CCDC27: variants seen among roughly 807,000 people sequenced by gnomAD.
The protein encoded by CCDC27 is coiled-coil domain containing 27.
A neutral mutation model predicts 80.3 loss-of-function variants in CCDC27; 80 were observed. The ratio of observed to expected loss-of-function variants is 1.00; its 90% CI spans 0.83 to 1.20. The LOEUF is 1.20. CCDC27 is among the 50% of genes most tolerant of loss of function. CCDC27 has a pLI of 0.00. For synonymous variants in CCDC27, 342 were observed against 334.3 expected (o/e 1.02, Z -0.25); for missense variants, 815 against 809.4 (o/e 1.01, Z -0.08).
Position 3,763,648 on chromosome 1 carries a change from C to T in CCDC27, c.1322-58C>T. On this transcript the variant is annotated intron_variant, in intron 7 of 11. Coordinates refer to ENST00000294600, the MANE Select transcript of CCDC27 (RefSeq NM_152492.3). The surrounding 1 kb of genome is among the most constrained non-coding windows in gnomAD (Gnocchi z 7.5). ...GCTGCCGCAGTGGCCCGGCCCTCTCCTTCTGTCCCTCACTGCCCCTGCTTG... is the reference window on the plus strand; with the variant it reads ...GCTGCCGCAGTGGCCCGGCCCTCTCTTTCTGTCCCTCACTGCCCCTGCTTG... 10 of 1,607,748 alleles carry T rather than the reference C, an allele frequency of 6.2e-6. No individual in the cohort carries two copies. The South Asian group carries it at 1.1e-4, about 18-fold the overall frequency.
Position 3,752,691 on chromosome 1 carries a change from C to A in CCDC27, c.210C>A (p.Leu70=). 6.2e-7 allele frequency: 1 copy of A among 1,614,038 alleles called. No individual in the cohort carries two copies. The highest frequency in any genetic ancestry group is 8.5e-7 in the Non-Finnish European group (1 of 1,180,052). Residue 70 remains leucine, a synonymous_variant, in exon 1 of 12, where the codon CTC becomes CTA. Coordinates refer to ENST00000294600, the MANE Select transcript of CCDC27 (RefSeq NM_152492.3). ...SSSMARALVL[L]QSMASRDARC... ...CGATGGCCAGGGCCCTGGTGCTCCTCCAGAGCATGGCCAGCCGGGACGCCC... is the reference window on the plus strand; with the variant it reads ...CGATGGCCAGGGCCCTGGTGCTCCTACAGAGCATGGCCAGCCGGGACGCCC...
At position 3,761,181 on chromosome 1, in the gene CCDC27, A is replaced by T; in HGVS notation, c.712-100A>T. 6.9e-7 allele frequency: 1 copy of T among 1,441,748 alleles called. No homozygotes were observed. The highest frequency in any genetic ancestry group is 2.1e-4 in the Middle Eastern group (1 of 4,688). 89.3% of individuals were successfully genotyped at this position (1,441,748 alleles called of 1,614,324 possible). A position where few individuals can be genotyped will look rare whatever the true frequency, so the allele number is the denominator to read the frequency against. ...TGGGACCCTGGGGTTTTGGGGTACCACGACAGCAGATCTGCTCCTCCTGGG... is the reference window on the plus strand; with the variant it reads ...TGGGACCCTGGGGTTTTGGGGTACCTCGACAGCAGATCTGCTCCTCCTGGG... On this transcript the variant is annotated intron_variant, in intron 4 of 11. Transcript: ENST00000294600. This position sits in a 1 kb window ranked among gnomAD's most constrained non-coding sequence, Gnocchi z 5.0.
chr1:3,759,424 A>AT lies in CCDC27; in HGVS notation c.712-1855dup, dbSNP rs1643035856. ...GCAGGGTGGGGACGGCCTCTGTCTC[A>AT]TTCCCGACGTGGCTGCCTTGTGCCT... is the stretch of plus-strand genomic sequence containing the variant. On this transcript the variant is annotated intron_variant, in intron 4 of 11. Transcript: ENST00000294600. Among the ~76,000 whole-genome samples the AT allele has an allele frequency of 2.0e-5, 3 of 152,222 alleles. No homozygotes were observed. In the South Asian group the frequency reaches 6.2e-4, roughly 32 times the overall value.
chr1:3,771,310 C>T, intron 11 of CCDC27, 91 bp from the exon 12 acceptor site: 1 of 1,543,212 alleles, frequency 6.5e-7, no homozygotes, highest in Non-Finnish European at 8.9e-7. Context: ...AGGGTGGCGT[C>T]CCGGGCAGCT....
chr1:3,755,721 G>A (rs1642937043), intron 3 of CCDC27, 154 bp downstream of exon 3: 3 of 650,882 alleles, frequency 4.6e-6, no homozygotes, highest in Non-Finnish European at 8.2e-6. Flanking sequence ...GGCCTCCCTT[G>A]TGCAGAACTA....
At position 3,756,802 on chromosome 1, in the gene CCDC27, CTTT is replaced by C; in HGVS notation, c.624_626del (p.Leu209del). On this transcript the variant is annotated inframe_deletion, in exon 4 of 12. Transcript: ENST00000294600. ...TTGCGGAAGAGGAGAAAATCCCAGA[CTTT>C]GAGTCCGGTCACCAGCAGCTCAGTC... The C allele has an allele frequency of 6.2e-7, 1 of 1,614,104 alleles. No homozygotes were observed. The highest frequency in any genetic ancestry group is 1.7e-5 in the Admixed American group (1 of 60,022).
chr1:3,753,320 C>CTTTTT (rs71580220), intron 1 of CCDC27, among the ~76,000 whole-genome samples: 21 of 94,872 alleles, frequency 2.2e-4, no homozygotes, highest in South Asian at 6.4e-4. Context: ...TTTTCTTTTT[C>CTTTTT]TTTTTTTTTT....
chr1:3,764,490 C>G (rs995408785), intron 8 of CCDC27, among the ~76,000 whole-genome samples: 6 of 152,066 alleles, frequency 3.9e-5, no homozygotes, highest in Admixed American at 3.3e-4. Context: ...CCCTTGCCAC[C>G]GCCCCCCAAC....
chr1:3,756,560 C>T, intron 3 of CCDC27, 173 bp from the exon 4 acceptor site: 1 of 653,426 alleles, frequency 1.5e-6, no homozygotes, highest in Non-Finnish European at 2.6e-6. Flanking sequence ...AGCAGCACCA[C>T]ACTGTGTCCT....
At position 3,763,630 on chromosome 1, in the gene CCDC27, C is replaced by T. The variant is rs1244724606; in HGVS notation, c.1322-76C>T. ...GCTGGCAGAGCCCTCCCAGCTGCCG[C>T]AGTGGCCCGGCCCTCTCCTTCTGTC... On this transcript the variant is annotated intron_variant, in intron 7 of 11. Transcript: ENST00000294600. This position sits in a 1 kb window ranked among gnomAD's most constrained non-coding sequence, Gnocchi z 7.5. The T allele has an allele frequency of 1.3e-6, 2 of 1,591,000 alleles. No individual in the cohort carries two copies. Among genetic ancestry groups the T allele is most frequent in the Non-Finnish European group, 1.7e-6 (2 of 1,162,996 alleles).
Position 3,761,137 on chromosome 1 carries a change from G to A in CCDC27, c.712-144G>A. ...TGTGTAGTGCTAGCTCTTTACCGCA[G>A]TACCTATCTTGAAATCCCTGGGACC... On this transcript the variant is annotated intron_variant, in intron 4 of 11. Transcript: ENST00000294600. The surrounding 1 kb of genome is among the most constrained non-coding windows in gnomAD (Gnocchi z 5.0). The A allele has an allele frequency of 1.1e-6, 1 of 877,512 alleles. No individual in the cohort carries two copies. Among genetic ancestry groups the A allele is most frequent in the East Asian group, 2.6e-5 (1 of 39,084 alleles). 54.4% of individuals were successfully genotyped at this position (877,512 alleles called of 1,614,324 possible).
At chr1:3,757,644 C>T (rs1466814143) in intron 4 of CCDC27, among the ~76,000 whole-genome samples, 5 of 151,888 alleles carry the variant, frequency 3.3e-5, no homozygotes, top group Non-Finnish European at 2.9e-5. Context: ...TTTCCCCGGC[C>T]AGGCGAGGTG....
Position 3,754,172 on chromosome 1 carries a change from C to T in CCDC27, c.373C>T (p.Arg125Ter), listed in dbSNP as rs760910706. 9.9e-6 allele frequency: 16 copies of T among 1,613,774 alleles called. No individual in the cohort carries two copies. Among genetic ancestry groups the T allele is most frequent in the South Asian group, 3.3e-5 (3 of 91,056 alleles). The change falls in exon 2 of 12, where the codon CGA (arginine) becomes TGA (stop). Residue 125 changes from arginine (R) to a stop codon, truncating the protein, a stop_gained. Coordinates refer to ENST00000294600, the MANE Select transcript of CCDC27 (RefSeq NM_152492.3). LOFTEE classifies it high-confidence loss of function. ...CGGCTTCATGTCCAAAATGGAACTT[C>T]GAAGGGTCTTCCCCACGCATCCTGA... ...LTGFMSKMELRRVFPTHPDCP... is the reference protein window; with the variant it reads ...LTGFMSKMEL
At chr1:3,758,413 C>T (rs1056883219) in intron 4 of CCDC27, among the ~76,000 whole-genome samples, 1 of 151,392 alleles carries the variant, frequency 6.6e-6, no homozygotes, top group Non-Finnish European at 1.5e-5. Context: ...GTCTTGATCT[C>T]TTGACTTCGT....
chr1:3,763,774 A>G lies in CCDC27; in HGVS notation c.1390A>G (p.Asn464Asp), dbSNP rs763217635. Residue 464 changes from asparagine (N) to aspartate (D), a missense_variant, in exon 8 of 12, where the codon AAT (asparagine) becomes GAT (aspartate). Asn to Asp is a conservative substitution (Grantham distance 23). Transcript: ENST00000294600. This position sits in a 1 kb window ranked among gnomAD's most constrained non-coding sequence, Gnocchi z 7.5. Reference protein sequence around the residue: ...ETQLRKINTENETLQKELRER... With the variant: ...ETQLRKINTEDETLQKELRER... ...CCAGCTGCGAAAGATCAATACGGAA[A>G]ATGAGACGCTGCAGAAGGAGCTCCG... 1.9e-6 allele frequency: 3 copies of G among 1,614,156 alleles called. No individual in the cohort carries two copies. Among genetic ancestry groups the G allele is most frequent in the East Asian group, 2.2e-5 (1 of 44,880 alleles).
chr1:3,771,619 G>GAATTA lies in CCDC27; in HGVS notation c.*99_*103dup. 1 of 1,387,404 alleles carries GAATTA rather than the reference G, an allele frequency of 7.2e-7. No homozygotes were observed. Among genetic ancestry groups the GAATTA allele is most frequent in the South Asian group, 1.3e-5 (1 of 78,674 alleles). 85.9% of individuals were successfully genotyped at this position (1,387,404 alleles called of 1,614,324 possible). ...ACCATGCGTCCTGCTCTCAGACTCAGAATTAAACCCCGGTGTTGGCACTGT... is the reference window on the plus strand; with the variant it reads ...ACCATGCGTCCTGCTCTCAGACTCAGAATTAAATTAAACCCCGGTGTTGGCACTGT... On this transcript the variant is annotated 3_prime_UTR_variant, in exon 12 of 12. Transcript: ENST00000294600.
At position 3,769,876 on chromosome 1, in the gene CCDC27, G is replaced by A. The variant is rs1278202786; in HGVS notation, c.1837G>A (p.Glu613Lys). The change falls in exon 11 of 12, where the codon GAA becomes AAA. Residue 613 changes from glutamate (E) to lysine (K), a missense_variant. Glu to Lys is a moderately conservative substitution (Grantham distance 56). Coordinates refer to ENST00000294600, the MANE Select transcript of CCDC27 (RefSeq NM_152492.3). The surrounding 1 kb of genome is among the most constrained non-coding windows in gnomAD (Gnocchi z 4.6). ...CGAGATCTCTGACAATGACATCCTG[G>A]AAGCCCTGCAGGTATACCCCTAAGC... ...ANEISDNDIL[E>K]ALQRIISERS... The A allele has an allele frequency of 6.2e-7, 1 of 1,613,520 alleles. No homozygotes were observed. The highest frequency in any genetic ancestry group is 2.2e-5 in the East Asian group (1 of 44,874).
At chr1:3,765,872 T>C (rs1242053125) in intron 8 of CCDC27, among the ~76,000 whole-genome samples, 2 of 53,438 alleles carry the variant, frequency 3.7e-5, no homozygotes, top group Non-Finnish European at 7.7e-5. Flanking sequence ...CTTTTCTCCT[T>C]TTTTTTTTTT....
Position 3,766,725 on chromosome 1 carries a change from C to A in CCDC27, c.1530+113C>A. 1 of 762,934 alleles carries A rather than the reference C, an allele frequency of 1.3e-6. No individual in the cohort carries two copies. Among genetic ancestry groups the A allele is most frequent in the African/African-American group, 1.7e-5 (1 of 57,188 alleles). 47.3% of individuals were successfully genotyped at this position (762,934 alleles called of 1,614,324 possible). A position where few individuals can be genotyped will look rare whatever the true frequency, so the allele number is the denominator to read the frequency against. ...GCGTCTTCACAGCTGAGCCAGGACC[C>A]CTTCGGTAGCATGCCACTCGACAGA... is the stretch of plus-strand genomic sequence containing the variant. On this transcript the variant is annotated intron_variant, in intron 9 of 11. Coordinates refer to ENST00000294600, the MANE Select transcript of CCDC27 (RefSeq NM_152492.3). The surrounding 1 kb of genome is among the most constrained non-coding windows in gnomAD (Gnocchi z 6.1).
Sources: gnomAD v4.1 joint callset for allele counts (sites outside exome capture counted in the v4.1 genomes callset) on GRCh38, gnomAD v4.1.1 for gene constraint, Gnocchi (gnomAD v3.1) non-coding constraint, MANE v1.5 for transcripts, NCBI Gene and HGNC (gene_info 2026-07-23, HGNC 2026-07-21) for gene names.